The following NOX5 variants were observed in gnomAD, a reference collection of about 807,000 sequenced individuals.
NOX5 encodes the protein NADPH oxidase 5.
A neutral mutation model predicts 85.7 loss-of-function variants in NOX5; 76 were observed. The observed-to-expected ratio is 0.89, with a 90% CI of 0.74 to 1.07. NOX5 has a LOEUF of 1.07. Among genes scored for constraint, NOX5 ranks in the 50% least tolerant of loss-of-function variants. The pLI, the probability that NOX5 is intolerant of heterozygous loss-of-function variation, is 0.00. For synonymous variants in NOX5, 405 were observed against 401.4 expected, an observed-to-expected ratio of 1.01 and a Z score of -0.11; for missense variants, 973 against 999.5, an observed-to-expected ratio of 0.97 and a Z score of 0.36.
rs761169131 is a variant in NOX5, at chr15:69,049,070, A to G, written c.1999+12A>G. ...GGAGGCTCAATACGGTAAGAGAGGG[A>G]CAGGGCCTGAGGGCAGTAGGAGTAG... On this transcript the variant is annotated intron_variant, in intron 14 of 15. Transcript: ENST00000388866. 4 of 1,598,836 alleles carry G rather than the reference A, an allele frequency of 2.5e-6. No individual in the cohort carries two copies. Among genetic ancestry groups the G allele is most frequent in the Non-Finnish European group, 3.4e-6 (4 of 1,169,616 alleles).
intron 9 of NOX5, among the ~76,000 whole-genome samples, chr15:69,041,724 A>G (rs1284154372): frequency 2.0e-5 from 3 of 152,256 alleles, no homozygotes; most frequent in East Asian, 1.9e-4. Flanking sequence ...AACTGGATTC[A>G]TATGTAATTT....
At chr15:69,016,582 G>A (rs933840638) in intron 1 of NOX5, among the ~76,000 whole-genome samples, 2 of 152,144 alleles carry the variant, frequency 1.3e-5, no homozygotes, top group African/African-American at 4.8e-5. Context: ...AATCCATCTA[G>A]GACTTGCTGA....
intron 4 of NOX5, among the ~76,000 whole-genome samples, chr15:69,032,792 A>G (rs1364799171): frequency 6.6e-6 from 1 of 152,138 alleles, no homozygotes; most frequent in Non-Finnish European, 1.5e-5. Flanking sequence ...TGCTTCTTTT[A>G]AAATTGGAAA....
At position 69,046,776 on chromosome 15, in the gene NOX5, C is replaced by T. The variant is rs760789414; in HGVS notation, c.1648-46C>T. 2.5e-6 allele frequency: 4 copies of T among 1,581,300 alleles called. No homozygotes were observed. In the South Asian group the frequency reaches 3.4e-5, roughly 13 times the overall value. ...CAAGAAACTTCTAAGAAATCCCTAA[C>T]ACTGTCCATTCCAAGACCCATAACT... On this transcript the variant is annotated intron_variant, in intron 10 of 15. Transcript: ENST00000388866.
intron 14 of NOX5, among the ~76,000 whole-genome samples, chr15:69,051,873 A>C (rs1440381330): frequency 6.6e-6 from 1 of 152,040 alleles, no homozygotes; most frequent in Non-Finnish European, 1.5e-5. Flanking sequence ...TAAATACCTT[A>C]ACATACATGA....
intron 1 of NOX5, among the ~76,000 whole-genome samples, chr15:69,019,642 T>C (rs986632030): frequency 7.2e-5 from 11 of 152,360 alleles, no homozygotes; most frequent in African/African-American, 2.6e-4. Flanking sequence ...GCTGACAGCC[T>C]GATGATTCCC....
intron 14 of NOX5, among the ~76,000 whole-genome samples, chr15:69,049,835 CAT>C (rs1373261445): frequency 6.6e-6 from 1 of 152,192 alleles, no homozygotes; most frequent in Admixed American, 6.5e-5. Context: ...GTATAATTTA[CAT>C]ACAATAAAAT....
intron 14 of NOX5, among the ~76,000 whole-genome samples, chr15:69,051,183 GTCTCC>G (rs199539328): frequency 0.019 from 2,905 of 150,760 alleles, 102 homozygotes; most frequent in African/African-American, 0.068. Flanking sequence ...GCCAGTTTCT[GTCTCC>G]TCTCCTCTCC....
At position 69,058,938 on chromosome 15, in the gene NOX5, A is replaced by C. The variant is rs536738359; in HGVS notation, c.*2242A>C. 7 of 152,364 alleles carry C rather than the reference A, an allele frequency of 4.6e-5. No individual in the cohort carries two copies. Among genetic ancestry groups the C allele is most frequent in the Non-Finnish European group, 8.8e-5 (6 of 68,056 alleles). The allele number at this position is 152,364 out of a possible 1,614,324, so 9.4% of individuals were successfully genotyped here. A position where few individuals can be genotyped will look rare whatever the true frequency, so the allele number is the denominator to read the frequency against. The stretch of plus-strand genomic sequence containing the variant: ...GGAAACGTGGCAGAATCTGTTTAGC[A>C]CAGGATGTCTCACACATGCACTCAA... On this transcript the variant is annotated 3_prime_UTR_variant, in exon 16 of 16. Transcript: ENST00000388866.
At chr15:69,033,533 G>A (rs2050469771) in intron 5 of NOX5, among the ~76,000 whole-genome samples, 1 of 152,148 alleles carries the variant, frequency 6.6e-6, no homozygotes, top group African/African-American at 2.4e-5. Flanking sequence ...TGCTGAGCAC[G>A]CTCCATTTGA....
chr15:69,047,803 C>T (rs767634846), intron 12 of NOX5, 27 bp from the exon 13 acceptor site: 2 of 1,612,670 alleles, frequency 1.2e-6, no homozygotes, highest in Admixed American at 1.7e-5. Flanking sequence ...CCCAAATTTA[C>T]AACCCCTTCC....
In NOX5 at chr15:69,059,457, T is replaced by TGAACAAA. The variant is rs1262995449; in HGVS notation, c.*2762_*2763insAACAAAG. On this transcript the variant is annotated 3_prime_UTR_variant, in exon 16 of 16. Coordinates refer to ENST00000388866, the MANE Select transcript of NOX5 (RefSeq NM_024505.4). ...CATGTTCAAGGTCAGTTTCTCTAGC[T>TGAACAAA]GGCAGCTTCTCACTGCCGCTGCCTT... 1 of 152,254 alleles carries TGAACAAA rather than the reference T, an allele frequency of 6.6e-6. No individual in the cohort carries two copies. The highest frequency in any genetic ancestry group is 1.5e-5 in the Non-Finnish European group (1 of 68,062). 9.4% of individuals were successfully genotyped at this position (152,254 alleles called of 1,614,324 possible). A position where few individuals can be genotyped will look rare whatever the true frequency, so the allele number is the denominator to read the frequency against.
At chr15:69,019,320 C>A (rs530113676) in intron 1 of NOX5, among the ~76,000 whole-genome samples, 2 of 152,148 alleles carry the variant, frequency 1.3e-5, no homozygotes, top group African/African-American at 2.4e-5. Context: ...GGCTGTGAAC[C>A]GGCAACTTGA....
rs986513861 is a variant in NOX5, at chr15:69,026,785, A to G, written c.174+134A>G. ...CTCCACCTTGTAGCGGGCTGGCGGG[A>G]TGTTTATGGCACCCTCCCATTCCTC... is the stretch of plus-strand genomic sequence containing the variant. On this transcript the variant is annotated intron_variant, in intron 2 of 15. Transcript: ENST00000388866. The G allele has an allele frequency of 1.2e-5, 14 of 1,193,136 alleles. No individual in the cohort carries two copies. In the African/African-American group the frequency reaches 1.8e-4, roughly 15 times the overall value. 73.9% of individuals were successfully genotyped at this position (1,193,136 alleles called of 1,614,324 possible).
rs982279325 is a variant in NOX5, at chr15:69,059,252, G to A, written c.*2556G>A. On this transcript the variant is annotated 3_prime_UTR_variant, in exon 16 of 16. Transcript: ENST00000388866. ...TTTTCTCTCCAGACAGATTCCAGTT[G>A]CCCACGAGAGGGCGCTGCAGAATCA... 6.6e-6 allele frequency: 1 copy of A among 152,158 alleles called. No individual in the cohort carries two copies. The highest frequency in any genetic ancestry group is 6.5e-5 in the Admixed American group (1 of 15,284). The allele number at this position is 152,158 out of a possible 1,614,324, so 9.4% of individuals were successfully genotyped here.
chr15:69,035,245 C>T (rs953455382), intron 5 of NOX5, 109 bp from the exon 6 acceptor site: 2 of 1,240,228 alleles, frequency 1.6e-6, no homozygotes, highest in Non-Finnish European at 2.2e-6. Context: ...TGGTGAGTGT[C>T]CTGTTCAGAA....
Position 69,055,418 on chromosome 15 carries a change from A to G in NOX5, c.2084A>G (p.Asp695Gly). 6.2e-7 allele frequency: 1 copy of G among 1,614,132 alleles called. No homozygotes were observed. The highest frequency in any genetic ancestry group is 8.5e-7 in the Non-Finnish European group (1 of 1,180,020). ...MKAIGLQMAL[D>G]LLANKEKKDS... Reference sequence around the variant, plus strand: ...GCCATTGGCCTGCAGATGGCCCTTGACCTCCTGGCCAACAAGGAGAAGAAA... The same window carrying G: ...GCCATTGGCCTGCAGATGGCCCTTGGCCTCCTGGCCAACAAGGAGAAGAAA... The change falls in exon 15 of 16, where the codon GAC becomes GGC. Residue 695 changes from aspartate to glycine, a missense_variant. Transcript: ENST00000388866.
At chr15:69,017,184 C>T (rs913171782) in intron 1 of NOX5, among the ~76,000 whole-genome samples, 3 of 152,106 alleles carry the variant, frequency 2.0e-5, no homozygotes, top group African/African-American at 7.2e-5. Context: ...CAGAGCCTCA[C>T]TCTGTCACCC....
chr15:69,042,750 G>A lies in NOX5; in HGVS notation c.1592G>A (p.Gly531Asp). The A allele has an allele frequency of 1.9e-6, 3 of 1,614,186 alleles. No individual in the cohort carries two copies. Among genetic ancestry groups the A allele is most frequent in the Non-Finnish European group, 2.5e-6 (3 of 1,180,036 alleles). ...AAGGCATCAGACCCACTGGGCCGTG[G>A]TTCTAAGAGGCTGTCGAGGAGTGTG... ...SFKASDPLGR[G>D]SKRLSRSVTM... The change falls in exon 10 of 16, where the codon GGT becomes GAT. Residue 531 changes from glycine (G) to aspartate (D), a missense_variant. Gly to Asp is a moderately conservative substitution (Grantham distance 94, BLOSUM62 -1). Transcript: ENST00000388866.
Sources: gnomAD v4.1 joint callset for allele counts (sites outside exome capture counted in the v4.1 genomes callset) on GRCh38, gnomAD v4.1.1 for gene constraint, MANE v1.5 for transcripts, NCBI Gene and HGNC (gene_info 2026-07-23, HGNC 2026-07-21) for gene names.